Variants in ELMO1 observed in about 807,000 individuals in gnomAD.
The protein encoded by ELMO1 is engulfment and cell motility 1, also known as engulfment and cell motility protein 1.
Under a neutral mutation model 98.9 loss-of-function variants are expected in ELMO1, and 26 were observed. That is an observed-to-expected ratio of 0.26 (90% CI 0.19 to 0.36). The LOEUF is 0.36. Among genes scored for constraint, ELMO1 ranks in the 10% least tolerant of loss-of-function variants. The pLI is 1.00. For synonymous variants in ELMO1, 346 were observed against 346.0 expected (o/e 1.00, Z 0.00); for missense variants, 627 against 935.2 (o/e 0.67, Z 4.30).
intron 15 of ELMO1, among the ~76,000 whole-genome samples, chr7:37,092,117 A>G (rs971953860): frequency 3.9e-5 from 6 of 152,160 alleles, no homozygotes; most frequent in Non-Finnish European, 8.8e-5. Context: ...CCAGGTCCCT[A>G]AGTATTCTTC....
At chr7:37,221,726 C>T (rs1341064361) in intron 10 of ELMO1, among the ~76,000 whole-genome samples, 1 of 144,748 alleles carries the variant, frequency 6.9e-6, no homozygotes, top group Non-Finnish European at 1.5e-5. Context: ...GATAGTCTTG[C>T]TCTGTCGCCC....
At chr7:37,313,305 A>G (rs1798981121) in intron 4 of ELMO1, among the ~76,000 whole-genome samples, 1 of 152,202 alleles carries the variant, frequency 6.6e-6, no homozygotes, top group South Asian at 2.1e-4. Context: ...GCTCACTGCA[A>G]CCTCCGCCTC....
At chr7:36,984,993 T>A in intron 16 of ELMO1, 1 of 985,406 alleles carries the variant, frequency 1.0e-6, no homozygotes, top group Non-Finnish European at 1.2e-6. Flanking sequence ...GCCACATACA[T>A]TTTTAAGTTT....
At chr7:37,343,492 T>C (rs903695000) in intron 1 of ELMO1, among the ~76,000 whole-genome samples, 86 of 107,660 alleles carry the variant, frequency 8.0e-4, no homozygotes, top group African/African-American at 2.7e-3. Flanking sequence ...CATTTCTTTT[T>C]TTTTTTTTTT....
intron 10 of ELMO1, among the ~76,000 whole-genome samples, chr7:37,217,247 GC>G (rs1275659790): frequency 1.3e-5 from 2 of 152,162 alleles, no homozygotes; most frequent in East Asian, 1.9e-4. Flanking sequence ...ACTGAGCTCT[GC>G]AAGGCCTGAT....
At chr7:37,361,381 A>T (rs138423919) in intron 1 of ELMO1, among the ~76,000 whole-genome samples, 2 of 152,260 alleles carry the variant, frequency 1.3e-5, no homozygotes, top group East Asian at 3.9e-4. Flanking sequence ...ATATTGGCAC[A>T]CTCTAGCTTA....
intron 4 of ELMO1, among the ~76,000 whole-genome samples, chr7:37,292,689 A>AGGG: frequency 9.8e-6 from 1 of 101,668 alleles, no homozygotes; most frequent in African/African-American, 3.2e-5. Flanking sequence ...CCCGTCTGGG[A>AGGG]AGTGAGGAGC....
chr7:37,231,360 G>A (rs758354229), intron 8 of ELMO1, among the ~76,000 whole-genome samples: 1 of 150,828 alleles, frequency 6.6e-6, no homozygotes, highest in Non-Finnish European at 1.5e-5. Flanking sequence ...CACGTTTACA[G>A]TGGGGAGATC....
At chr7:37,262,248 AAT>A (rs1276058749) in intron 5 of ELMO1, among the ~76,000 whole-genome samples, 1 of 152,212 alleles carries the variant, frequency 6.6e-6, no homozygotes, top group African/African-American at 2.4e-5. Context: ...CAAGCAGAGG[AAT>A]CAAGACTGTG....
At chr7:36,964,401 G>A (rs992105067) in intron 16 of ELMO1, among the ~76,000 whole-genome samples, 4 of 152,186 alleles carry the variant, frequency 2.6e-5, no homozygotes, top group African/African-American at 9.7e-5. Flanking sequence ...AGTATTTCAT[G>A]TAATTTATTA....
At chr7:37,345,778 A>G (rs553282163) in intron 1 of ELMO1, among the ~76,000 whole-genome samples, 61 of 152,070 alleles carry the variant, frequency 4.0e-4, no homozygotes, top group Non-Finnish European at 7.2e-4. Flanking sequence ...TCACAAGGTC[A>G]GGAGATCGAG....
chr7:37,180,210 T>G (rs1790759447), intron 13 of ELMO1, among the ~76,000 whole-genome samples: 1 of 152,108 alleles, frequency 6.6e-6, no homozygotes, highest in Non-Finnish European at 1.5e-5. Flanking sequence ...CATATCACTA[T>G]AGCCCACAGA....
intron 16 of ELMO1, among the ~76,000 whole-genome samples, chr7:36,902,454 G>A (rs1334529498): frequency 2.0e-5 from 3 of 152,208 alleles, no homozygotes; most frequent in African/African-American, 4.8e-5. Context: ...TGGGCAGTGA[G>A]GTCCTTGTAA....
intron 8 of ELMO1, among the ~76,000 whole-genome samples, chr7:37,230,854 T>C (rs923513640): frequency 1.3e-5 from 2 of 152,208 alleles, no homozygotes; most frequent in African/African-American, 4.8e-5. Context: ...TGCCATTTAT[T>C]TTTTCCTCTC....
At chr7:37,337,568 G>C (rs1962401) in intron 2 of ELMO1, among the ~76,000 whole-genome samples, 20,272 of 151,184 alleles carry the variant, frequency 0.13, 1,475 homozygotes, top group Non-Finnish European at 0.17. Flanking sequence ...TTGGGGGTTG[G>C]GATAAGCTGA....
rs374933125 is a variant in ELMO1, at chr7:36,967,200, C to A, written c.1437+46099G>T. On this transcript the variant is annotated intron_variant, in intron 16 of 21. Transcript: ENST00000310758. ...AAATATAAGAAATACATGCTCTAGG[C>A]CAATCGATTTGAAGCTTGAATGTTT... Among the ~76,000 whole-genome samples the A allele has an allele frequency of 7.9e-5, 12 of 152,174 alleles. No homozygotes were observed. The South Asian group carries it at 2.1e-3, about 26-fold the overall frequency.
intron 13 of ELMO1, among the ~76,000 whole-genome samples, chr7:37,178,282 G>T (rs1383666287): frequency 2.6e-5 from 4 of 151,748 alleles, no homozygotes; most frequent in African/African-American, 7.3e-5. Flanking sequence ...CCAAGCAAAG[G>T]GGAAACGTCT....
intron 16 of ELMO1, among the ~76,000 whole-genome samples, chr7:36,990,266 C>G (rs1264030287): frequency 6.6e-6 from 1 of 152,196 alleles, no homozygotes; most frequent in African/African-American, 2.4e-5. Context: ...GCTTACAGAG[C>G]TGCTGGTGAG....
At chr7:37,144,763 A>T (rs1323420765) in intron 13 of ELMO1, among the ~76,000 whole-genome samples, 1 of 152,156 alleles carries the variant, frequency 6.6e-6, no homozygotes, top group Non-Finnish European at 1.5e-5. Flanking sequence ...AGCTGAAAAT[A>T]TTATGAGTTA....
Sources: gnomAD v4.1 joint callset for allele counts (sites outside exome capture counted in the v4.1 genomes callset) on GRCh38, gnomAD v4.1.1 for gene constraint, MANE v1.5 for transcripts, NCBI Gene and HGNC (gene_info 2026-07-23, HGNC 2026-07-21) for gene names.